SEC24C: variants seen among roughly 807,000 people sequenced by gnomAD.
The protein encoded by SEC24C is SEC24 homolog C, COPII component, also known as protein transport protein Sec24C.
SEC24C carries 22 observed loss-of-function variants against 117.0 expected under a neutral mutation model. That is an observed-to-expected ratio of 0.19 (90% CI 0.13 to 0.27). The LOEUF is 0.27. SEC24C is among the 10% of genes least tolerant of loss of function. SEC24C has a pLI of 1.00. For synonymous variants in SEC24C, 506 were observed against 529.4 expected, an observed-to-expected ratio of 0.96 and a Z score of 0.61; for missense variants, 1,155 against 1,375.1, an observed-to-expected ratio of 0.84 and a Z score of 2.53.
rs748964058 is a variant in SEC24C at position 73,766,380 on chromosome 10, C to T, written c.1638C>T (p.Arg546=). Residue 546 remains arginine (R), a synonymous_variant, in exon 12 of 23, where the codon CGC becomes CGT. Coordinates refer to ENST00000345254, the MANE Select transcript of SEC24C (RefSeq NM_198597.3). The part of the protein sequence containing the change: ...REGGAEESAI[R]VGFVTYNKVL... ...GTGGGGCAGAAGAGTCAGCAATCCGCGTTGGCTTTGTCACCTACAATAAGG... is the reference window on the plus strand; with the variant it reads ...GTGGGGCAGAAGAGTCAGCAATCCGTGTTGGCTTTGTCACCTACAATAAGG... The T allele has an allele frequency of 8.7e-6, 14 of 1,611,200 alleles. 1 individual carries two copies. Among genetic ancestry groups the T allele is most frequent in the Middle Eastern group, 1.7e-4 (1 of 6,048 alleles).
rs972967730 is a variant in SEC24C, at chr10:73,771,261, A to C, written c.*166A>C. The C allele has an allele frequency of 6.9e-6, 5 of 725,776 alleles. No homozygotes were observed. In the African/African-American group the frequency reaches 8.9e-5, roughly 13 times the overall value. The allele number at this position is 725,776 out of a possible 1,614,324, so 45.0% of individuals were successfully genotyped here. A position where few individuals can be genotyped will look rare whatever the true frequency, so the allele number is the denominator to read the frequency against. On this transcript the variant is annotated 3_prime_UTR_variant, in exon 23 of 23. Coordinates refer to ENST00000345254, the MANE Select transcript of SEC24C (RefSeq NM_198597.3). ...TCTTTCTGGGCTCAAGTATCCTGCC[A>C]CTCTGTCATGTCCTGCTGATGGAAG... is the stretch of plus-strand genomic sequence containing the variant.
In SEC24C at chr10:73,770,097, C is replaced by T. The variant is rs2082950844; in HGVS notation, c.2862+82C>T. ...GAGGAAAGGATAGGCTAGTATCAGT[C>T]AGACACTAGTGGAATTTGTTTTTAT... On this transcript the variant is annotated intron_variant, in intron 20 of 22. Transcript: ENST00000345254. The T allele has an allele frequency of 5.9e-6, 8 of 1,361,508 alleles. No individual in the cohort carries two copies. In the East Asian group the frequency reaches 9.2e-5, roughly 16 times the overall value. 84.3% of individuals were successfully genotyped at this position (1,361,508 alleles called of 1,614,324 possible). A position where few individuals can be genotyped will look rare whatever the true frequency, so the allele number is the denominator to read the frequency against.
chr10:73,767,475 C>G (rs374740932), intron 14 of SEC24C, among the ~76,000 whole-genome samples: 23 of 152,114 alleles, frequency 1.5e-4, no homozygotes, highest in Non-Finnish European at 2.9e-5. Flanking sequence ...TGAGACCAGC[C>G]TGACTAACAT....
intron 11 of SEC24C, 53 bp from the exon 12 acceptor site, chr10:73,766,297 T>C: frequency 6.3e-7 from 1 of 1,581,394 alleles, no homozygotes; most frequent in South Asian, 1.2e-5. Flanking sequence ...TGTCATGAAG[T>C]TGTGGGTGGT....
Position 73,767,911 on chromosome 10 carries a change from T to A in SEC24C, c.2085T>A (p.Asp695Glu). 1 of 1,613,696 alleles carries A rather than the reference T, an allele frequency of 6.2e-7. No homozygotes were observed. Among genetic ancestry groups the A allele is most frequent in the Non-Finnish European group, 8.5e-7 (1 of 1,179,850 alleles). ...GTGTGGCCCAAGGCTGCTGTGTAGA[T>A]CTCTTTCTCTTCCCTAACCAGTATG... ...KECVAQGCCV[D>E]LFLFPNQYVD... The change falls in exon 15 of 23, where the codon GAT (aspartate) becomes GAA (glutamate). Residue 695 changes from aspartate (D) to glutamate (E), a missense_variant. Physicochemically the swap from Asp to Glu is conservative, Grantham distance 45. Around this residue, in one of 2 missense-constraint regions of SEC24C, gnomAD observed 759 missense variants for 992.3 expected, o/e 0.76. Transcript: ENST00000345254.
In SEC24C at chr10:73,760,716, C is replaced by A; in HGVS notation, c.854C>A (p.Ser285Tyr). The change falls in exon 6 of 23, where the codon TCC becomes TAC. Residue 285 changes from serine to tyrosine, a missense_variant. By Grantham distance (144) the Ser-to-Tyr change is moderately radical (BLOSUM62 -2). Around this residue, in one of 2 missense-constraint regions of SEC24C, gnomAD observed 396 missense variants for 382.8 expected, o/e 1.03. Transcript: ENST00000345254. ...QPGYQPQQNGSFGPARGPQSN... is the reference protein window; with the variant it reads ...QPGYQPQQNGYFGPARGPQSN... ...CAACCTTGTGTCCTTGTCTCAGGTT[C>A]CTTCGGACCAGCCCGGGGCCCTCAG... 6.3e-7 allele frequency: 1 copy of A among 1,590,042 alleles called. No homozygotes were observed. The highest frequency in any genetic ancestry group is 8.5e-7 in the Non-Finnish European group (1 of 1,170,390).
At chr10:73,763,690 T>A in intron 7 of SEC24C, 89 bp downstream of exon 7, 1 of 761,108 alleles carries the variant, frequency 1.3e-6, no homozygotes, top group African/African-American at 1.9e-5. Flanking sequence ...TTTTTTTTTT[T>A]TTTTTTTTTA....
Position 73,770,700 on chromosome 10 carries a change from G to A in SEC24C, c.3055-9G>A, listed in dbSNP as rs771366318. Reference sequence around the variant, plus strand: ...CTTACCATAAGGATAAATGAATTTTGTGTTCTAGAGTGTTCTGCCAGTTCT... The same window carrying A: ...CTTACCATAAGGATAAATGAATTTTATGTTCTAGAGTGTTCTGCCAGTTCT... On this transcript the variant is annotated splice_polypyrimidine_tract_variant and intron_variant, in intron 21 of 22. Transcript: ENST00000345254. 1 of 1,613,958 alleles carries A rather than the reference G, an allele frequency of 6.2e-7. No individual in the cohort carries two copies.
chr10:73,768,850 G>T lies in SEC24C; in HGVS notation c.2222G>T (p.Arg741Leu). ...GAGCGGTTCCTGAGTGACCTGCGTCGTGATGTCCAGAAGGTTGTTGGCTTT... is the reference window on the plus strand; with the variant it reads ...GAGCGGTTCCTGAGTGACCTGCGTCTTGATGTCCAGAAGGTTGTTGGCTTT... ...DQERFLSDLR[R>L]DVQKVVGFDA... Residue 741 changes from arginine (R) to leucine (L), a missense_variant, in exon 16 of 23, where the codon CGT becomes CTT. Physicochemically the swap from Arg to Leu is moderately radical, Grantham distance 102. This residue lies in a region of SEC24C where 759 missense variants were observed against 992.3 expected (regional missense o/e 0.76). Coordinates refer to ENST00000345254, the MANE Select transcript of SEC24C (RefSeq NM_198597.3). 1 of 1,614,008 alleles carries T rather than the reference G, an allele frequency of 6.2e-7. No homozygotes were observed. The highest frequency in any genetic ancestry group is 1.1e-5 in the South Asian group (1 of 91,066).
At chr10:73,745,438 C>CT (rs1187407494) in intron 1 of SEC24C, among the ~76,000 whole-genome samples, 1 of 151,784 alleles carries the variant, frequency 6.6e-6, no homozygotes, top group Non-Finnish European at 1.5e-5. Flanking sequence ...AAATCTAACT[C>CT]TAACTTTGCC....
chr10:73,770,271 T>A lies in SEC24C; in HGVS notation c.2863-9T>A. The A allele has an allele frequency of 1.3e-6, 2 of 1,592,270 alleles. No individual in the cohort carries two copies. Among genetic ancestry groups the A allele is most frequent in the Non-Finnish European group, 1.7e-6 (2 of 1,168,750 alleles). ...CTTGGTAACCTTTTGCTCCCTTCCT[T>A]TTGTCTAGACAAAGTCTCCCGTTGA... On this transcript the variant is annotated splice_polypyrimidine_tract_variant and intron_variant, in intron 20 of 22. Coordinates refer to ENST00000345254, the MANE Select transcript of SEC24C (RefSeq NM_198597.3).
chr10:73,751,376 C>T (rs1017489700), intron 3 of SEC24C, 133 bp downstream of exon 3: 1 of 757,680 alleles, frequency 1.3e-6, no homozygotes, highest in Non-Finnish European at 2.0e-6. Flanking sequence ...GCCTGGCCAA[C>T]ATGGCAAAAC....
chr10:73,764,008 G>A (rs762260092), intron 8 of SEC24C, 25 bp downstream of exon 8: 7 of 1,557,430 alleles, frequency 4.5e-6, no homozygotes, highest in Middle Eastern at 1.7e-4. Context: ...GGGCTAGAGT[G>A]TAATGAAAGG....
chr10:73,759,145 G>T (rs948812907), intron 3 of SEC24C, among the ~76,000 whole-genome samples: 1 of 151,818 alleles, frequency 6.6e-6, no homozygotes, highest in Non-Finnish European at 1.5e-5. Flanking sequence ...GCAATGAGCT[G>T]TGATCACACC....
In SEC24C at chr10:73,760,740, A is replaced by G; in HGVS notation, c.878A>G (p.Gln293Arg). 6.2e-7 allele frequency: 1 copy of G among 1,611,666 alleles called. No homozygotes were observed. The highest frequency in any genetic ancestry group is 8.5e-7 in the Non-Finnish European group (1 of 1,179,116). The change falls in exon 6 of 23, where the codon CAG (glutamine) becomes CGG (arginine). Residue 293 changes from glutamine to arginine, a missense_variant. Gln to Arg is a conservative substitution (Grantham distance 43). Coordinates refer to ENST00000345254, the MANE Select transcript of SEC24C (RefSeq NM_198597.3). ...NGSFGPARGP[Q>R]SNYGGPYPAA... ...TCCTTCGGACCAGCCCGGGGCCCTC[A>G]GTCTAATTATGGAGGCCCCTACCCA...
In SEC24C at chr10:73,751,177, C is replaced by T. The variant is rs200396903; in HGVS notation, c.242C>T (p.Ala81Val). Residue 81 changes from alanine (A) to valine (V), a missense_variant, in exon 3 of 23, where the codon GCT (alanine) becomes GTT (valine). Ala to Val is a moderately conservative substitution (Grantham distance 64). Coordinates refer to ENST00000345254, the MANE Select transcript of SEC24C (RefSeq NM_198597.3). Reference sequence around the variant, plus strand: ...ACAGCACAGGCTCCTTGTGGCCAGGCTGCATATGGCCAGTTTGGCCAAGGA... The same window carrying T: ...ACAGCACAGGCTCCTTGTGGCCAGGTTGCATATGGCCAGTTTGGCCAAGGA... ...ASTAQAPCGQ[A>V]AYGQFGQGDV... is the part of the protein sequence containing the mutation. 833 of 1,614,194 alleles carry T rather than the reference C, an allele frequency of 5.2e-4. 11 individuals are homozygous for T. In the South Asian group the frequency reaches 8.4e-3, roughly 16 times the overall value.
intron 2 of SEC24C, among the ~76,000 whole-genome samples, chr10:73,748,580 C>T (rs1029877000): frequency 1.3e-5 from 2 of 148,314 alleles, no homozygotes; most frequent in African/African-American, 5.0e-5. Flanking sequence ...GGATTACAGG[C>T]ATGTGCCACC....
intron 3 of SEC24C, among the ~76,000 whole-genome samples, chr10:73,753,281 A>G (rs1042748319): frequency 6.6e-5 from 10 of 152,046 alleles, no homozygotes; most frequent in African/African-American, 2.4e-4. Flanking sequence ...CGAACTCCTG[A>G]CCTCAAGTGA....
At chr10:73,751,394 CTT>C (rs1216042762) in intron 3 of SEC24C, 151 bp downstream of exon 3, 3 of 692,676 alleles carry the variant, frequency 4.3e-6, no homozygotes, top group Non-Finnish European at 6.6e-6. Flanking sequence ...AACCCCATCT[CTT>C]TTCTCAAATA....
Sources: allele counts gnomAD v4.1 joint callset (sites outside exome capture counted in the v4.1 genomes callset), GRCh38; gene constraint gnomAD v4.1.1; regional missense constraint gnomAD v4.1.1; transcripts MANE v1.5; gene names NCBI Gene and HGNC (gene_info 2026-07-23, HGNC 2026-07-21).